The following SPON1 variants were observed in gnomAD, a reference collection of about 807,000 sequenced individuals.
The protein encoded by SPON1 is spondin-1.
A neutral mutation model predicts 111.7 loss-of-function variants in SPON1; 52 were observed. That is an observed-to-expected ratio of 0.47 (90% CI 0.37 to 0.59). The LOEUF (loss-of-function observed/expected upper bound fraction) is 0.59, where lower values mean the gene tolerates loss of function less well. Among genes scored for constraint, SPON1 ranks in the 20% least tolerant of loss-of-function variants. The pLI, the probability that SPON1 is intolerant of heterozygous loss-of-function variation, is 0.00. For missense variants in SPON1, 957 were observed against 1,068.5 expected, an observed-to-expected ratio of 0.90 and a Z score of 1.46; for synonymous variants, 410 against 395.8, an observed-to-expected ratio of 1.04 and a Z score of -0.43.
chr11:14,114,831 T>A (rs1251723913), intron 5 of SPON1, among the ~76,000 whole-genome samples: 5 of 152,204 alleles, frequency 3.3e-5, no homozygotes, highest in Admixed American at 3.3e-4. Context: ...GGCAGGACCC[T>A]TGTCTGGTTT....
Position 14,135,531 on chromosome 11 carries a change from G to C in SPON1, c.788G>C (p.Gly263Ala), listed in dbSNP as rs1847581654. ...GGCGTCAAACAAGTTGCAGAATTGG[G>C]CTCACCCGTGAAAATGGAGGAAGAA... is the stretch of plus-strand genomic sequence containing the variant. Reference protein sequence around the residue: ...SEGVKQVAELGSPVKMEEEIR... With the variant: ...SEGVKQVAELASPVKMEEEIR... Residue 263 changes from glycine (G) to alanine (A), a missense_variant, in exon 6 of 16, where the codon GGC (glycine) becomes GCC (alanine). This residue lies in a region of SPON1 where 122 missense variants were observed against 143.2 expected (regional missense o/e 0.85). Transcript: ENST00000576479. This position sits in a 1 kb window ranked among gnomAD's most constrained non-coding sequence, Gnocchi z 4.4. The C allele has an allele frequency of 6.2e-7, 1 of 1,613,840 alleles. No individual in the cohort carries two copies. The highest frequency in any genetic ancestry group is 8.5e-7 in the Non-Finnish European group (1 of 1,179,800).
intron 6 of SPON1, among the ~76,000 whole-genome samples, chr11:14,187,810 G>A (rs1019543369): frequency 1.0e-4 from 15 of 148,386 alleles, no homozygotes; most frequent in African/African-American, 2.3e-4. Flanking sequence ...ATGGAGTTTC[G>A]CTCTTGTTGC....
At position 14,235,734 on chromosome 11, in the gene SPON1, C is replaced by A. The variant is rs142164984; in HGVS notation, c.826-7598C>A. On this transcript the variant is annotated intron_variant, in intron 6 of 15. Coordinates refer to ENST00000576479, the MANE Select transcript of SPON1 (RefSeq NM_006108.4). ...TAAGCAAAATGCACAGTCAACTGGACAATGGCAAATGTTATGAAGAAAAGA... is the reference window on the plus strand; with the variant it reads ...TAAGCAAAATGCACAGTCAACTGGAAAATGGCAAATGTTATGAAGAAAAGA... 2.1e-3 allele frequency among the ~76,000 whole-genome samples: 275 copies of A among 132,628 alleles called. 1 individual carries two copies. The highest frequency in any genetic ancestry group is 7.3e-3 in the African/African-American group (256 of 35,224). The allele number at this position is 132,628 out of a possible 152,430, so 87.0% of individuals were successfully genotyped here.
chr11:14,091,422 A>G (rs1166664239), intron 5 of SPON1, among the ~76,000 whole-genome samples: 1 of 152,112 alleles, frequency 6.6e-6, no homozygotes, highest in Non-Finnish European at 1.5e-5. Flanking sequence ...GAGCCCATGG[A>G]GTGGGTGGGA....
At chr11:14,100,749 T>G (rs1849137023) in intron 5 of SPON1, among the ~76,000 whole-genome samples, 1 of 152,226 alleles carries the variant, frequency 6.6e-6, no homozygotes, top group African/African-American at 2.4e-5. Flanking sequence ...GCATTTTTCT[T>G]ATTTCACTAT....
chr11:14,227,025 C>T (rs1460339909), intron 6 of SPON1, among the ~76,000 whole-genome samples: 2 of 152,304 alleles, frequency 1.3e-5, no homozygotes, highest in South Asian at 2.1e-4. Flanking sequence ...CCAGGACAAT[C>T]TCCCCATCTC....
chr11:14,264,026 T>C (rs1302189331), intron 15 of SPON1, among the ~76,000 whole-genome samples: 1 of 144,320 alleles, frequency 6.9e-6, no homozygotes, highest in East Asian at 2.0e-4. Flanking sequence ...TGAAACTCCG[T>C]CTCAAATTAA....
At chr11:14,090,684 C>T (rs1278439672) in intron 5 of SPON1, among the ~76,000 whole-genome samples, 1 of 151,964 alleles carries the variant, frequency 6.6e-6, no homozygotes, top group Non-Finnish European at 1.5e-5. Flanking sequence ...AGTGTTACAG[C>T]TCATAAAAGC....
At chr11:14,052,791 G>A (rs1319881665) in intron 3 of SPON1, among the ~76,000 whole-genome samples, 2 of 152,194 alleles carry the variant, frequency 1.3e-5, no homozygotes, top group South Asian at 2.1e-4. Flanking sequence ...CCAGGTGCAG[G>A]ATCCAGCCCC....
chr11:14,177,357 G>T (rs1554933219), intron 6 of SPON1, among the ~76,000 whole-genome samples: 1 of 152,116 alleles, frequency 6.6e-6, no homozygotes, highest in East Asian at 1.9e-4. Flanking sequence ...TTTAAGGATA[G>T]CTTGGTGGGT....
chr11:14,048,887 C>T (rs1848688505), intron 3 of SPON1, among the ~76,000 whole-genome samples: 1 of 152,156 alleles, frequency 6.6e-6, no homozygotes, highest in Non-Finnish European at 1.5e-5. Flanking sequence ...CTGGAAGGGT[C>T]TGAGATGTAG....
At chr11:14,255,870 ATAGAG>A in intron 9 of SPON1, 83 bp downstream of exon 9, 1 of 1,432,334 alleles carries the variant, frequency 7.0e-7, no homozygotes, top group East Asian at 2.4e-5. Flanking sequence ...CTCTAGAATC[ATAGAG>A]TCACTGGCAG....
At chr11:14,002,102 T>G (rs1007869755) in intron 2 of SPON1, among the ~76,000 whole-genome samples, 2 of 152,128 alleles carry the variant, frequency 1.3e-5, no homozygotes, top group African/African-American at 4.8e-5. Context: ...ATACAACAAT[T>G]TGATGAACAA....
chr11:14,253,643 C>T (rs1203576911), intron 7 of SPON1, among the ~76,000 whole-genome samples: 4 of 152,238 alleles, frequency 2.6e-5, no homozygotes, highest in African/African-American at 9.6e-5. Context: ...CTGAACAGAA[C>T]AGTTGGTCTC....
At chr11:14,150,387 A>G (rs1394781194) in intron 6 of SPON1, among the ~76,000 whole-genome samples, 5 of 151,980 alleles carry the variant, frequency 3.3e-5, no homozygotes, top group African/African-American at 9.7e-5. Context: ...ATAAGTTCCA[A>G]TGTCACTGGA....
At chr11:14,114,067 A>C (rs1316722188) in intron 5 of SPON1, among the ~76,000 whole-genome samples, 1 of 152,224 alleles carries the variant, frequency 6.6e-6, no homozygotes, top group Non-Finnish European at 1.5e-5. Flanking sequence ...ATCCAATTAC[A>C]CTTTTTAAGT....
chr11:14,203,707 G>C (rs1234458954), intron 6 of SPON1, among the ~76,000 whole-genome samples: 1 of 152,224 alleles, frequency 6.6e-6, no homozygotes, highest in East Asian at 1.9e-4. Context: ...AGGCCTCAGA[G>C]AGGGTTTGGG....
At chr11:14,004,154 G>GAC (rs150297092) in intron 2 of SPON1, among the ~76,000 whole-genome samples, 134 of 151,164 alleles carry the variant, frequency 8.9e-4, no homozygotes, top group Middle Eastern at 3.4e-3. Context: ...TACACACACA[G>GAC]ACACACACAC....
intron 2 of SPON1, among the ~76,000 whole-genome samples, chr11:14,010,199 T>C (rs1554913558): frequency 6.6e-6 from 1 of 152,132 alleles, no homozygotes; most frequent in South Asian, 2.1e-4. Flanking sequence ...CTAATTCAGC[T>C]GGAGAGGTAC....
Sources: gnomAD v4.1 joint callset for allele counts (sites outside exome capture counted in the v4.1 genomes callset) on GRCh38, gnomAD v4.1.1 for gene constraint, gnomAD v4.1.1 regional missense constraint, Gnocchi (gnomAD v3.1) non-coding constraint, MANE v1.5 for transcripts, NCBI Gene and HGNC (gene_info 2026-07-23, HGNC 2026-07-21) for gene names.